SMYD3: variants seen among roughly 807,000 people sequenced by gnomAD.
SMYD3 encodes the protein SET and MYND domain containing 3, also known as histone-lysine N-methyltransferase SMYD3.
Under a neutral mutation model 57.7 loss-of-function variants are expected in SMYD3, and 36 were observed. That is an observed-to-expected ratio of 0.62 (90% CI 0.48 to 0.82). SMYD3 has a LOEUF of 0.82. SMYD3 is among the 40% of genes least tolerant of loss of function. The pLI, the probability that SMYD3 is intolerant of heterozygous loss-of-function variation, is 0.00. For missense variants in SMYD3, 515 were observed against 538.8 expected, an observed-to-expected ratio of 0.96 and a Z score of 0.44; for synonymous variants, 211 against 195.0, an observed-to-expected ratio of 1.08 and a Z score of -0.68.
chr1:246,374,775 C>T (rs1351742526), intron 1 of SMYD3, among the ~76,000 whole-genome samples: 3 of 152,026 alleles, frequency 2.0e-5, no homozygotes, highest in African/African-American at 7.2e-5. Flanking sequence ...GAGTTCAAGA[C>T]CAGCCTGGCC....
intron 10 of SMYD3, among the ~76,000 whole-genome samples, chr1:245,824,535 G>A (rs1207113891): frequency 1.3e-5 from 2 of 152,014 alleles, no homozygotes; most frequent in East Asian, 1.9e-4. Flanking sequence ...TGGCCAACAT[G>A]GTGAAACCCC....
At chr1:245,909,434 A>G (rs907966219) in intron 8 of SMYD3, among the ~76,000 whole-genome samples, 5 of 152,178 alleles carry the variant, frequency 3.3e-5, no homozygotes, top group Non-Finnish European at 5.9e-5. Flanking sequence ...GGAGGAGGAA[A>G]TACTTCCAAA....
intron 8 of SMYD3, among the ~76,000 whole-genome samples, chr1:245,906,603 A>C (rs767345867): frequency 1.2e-4 from 19 of 152,218 alleles, no homozygotes; most frequent in Non-Finnish European, 2.1e-4. Flanking sequence ...AGAAACTAAA[A>C]ATATAACTAC....
intron 5 of SMYD3, among the ~76,000 whole-genome samples, chr1:246,260,729 C>T (rs906173290): frequency 6.6e-6 from 1 of 152,088 alleles, no homozygotes; most frequent in Non-Finnish European, 1.5e-5. Context: ...CTGCGCCCAG[C>T]CCCATTTTCC....
At chr1:245,861,106 T>C (rs2051521399) in intron 9 of SMYD3, among the ~76,000 whole-genome samples, 1 of 152,238 alleles carries the variant, frequency 6.6e-6, no homozygotes, top group African/African-American at 2.4e-5. Context: ...CAACTGTCTC[T>C]TGCCAAACAA....
At chr1:246,480,268 G>A (rs2068084110) in intron 1 of SMYD3, among the ~76,000 whole-genome samples, 1 of 152,072 alleles carries the variant, frequency 6.6e-6, no homozygotes, top group Non-Finnish European at 1.5e-5. Flanking sequence ...CCAAAGCGTT[G>A]GGATTACAGG....
chr1:246,455,279 G>A (rs1220254570), intron 1 of SMYD3, among the ~76,000 whole-genome samples: 3 of 152,090 alleles, frequency 2.0e-5, no homozygotes, highest in African/African-American at 7.2e-5. Flanking sequence ...GGAAGATAGA[G>A]AATTGGAAAA....
At chr1:245,840,854 A>G (rs987018817) in intron 10 of SMYD3, among the ~76,000 whole-genome samples, 2 of 152,178 alleles carry the variant, frequency 1.3e-5, no homozygotes, top group African/African-American at 2.4e-5. Flanking sequence ...AAAATGAGAT[A>G]TAAGGCCAAA....
In SMYD3 at chr1:246,321,224, C is replaced by T. The variant is rs543902803; in HGVS notation, c.531+5977G>A. ...CTAGTTTACAAACAGTGGCAGACTG[C>T]GCTCTTGGCTAGATGACAGCACAGG... is the stretch of plus-strand genomic sequence containing the variant. On this transcript the variant is annotated intron_variant, in intron 5 of 11. Coordinates refer to ENST00000490107, the MANE Select transcript of SMYD3 (RefSeq NM_001167740.2). Among the ~76,000 whole-genome samples, 5 of 152,280 alleles carry T rather than the reference C, an allele frequency of 3.3e-5. No individual in the cohort carries two copies. In the South Asian group the frequency reaches 6.2e-4, roughly 19 times the overall value.
intron 5 of SMYD3, among the ~76,000 whole-genome samples, chr1:246,001,606 C>T (rs764136453): frequency 7.2e-5 from 11 of 152,058 alleles, no homozygotes; most frequent in Admixed American, 2.0e-4. Flanking sequence ...GGTTTGAAGA[C>T]GGAAACAATA....
chr1:245,860,170 A>T (rs894496472), intron 9 of SMYD3, among the ~76,000 whole-genome samples: 4 of 151,144 alleles, frequency 2.6e-5, no homozygotes, highest in Non-Finnish European at 4.4e-5. Context: ...GTGCCCCCAC[A>T]CCCCTCCCAC....
chr1:246,254,451 T>C (rs2063847154), intron 5 of SMYD3, among the ~76,000 whole-genome samples: 1 of 152,194 alleles, frequency 6.6e-6, no homozygotes, highest in South Asian at 2.1e-4. Context: ...GCTGTAGGTG[T>C]ATGGCTTTAT....
intron 5 of SMYD3, among the ~76,000 whole-genome samples, chr1:245,938,335 G>C (rs1465119413): frequency 6.6e-6 from 1 of 152,180 alleles, no homozygotes; most frequent in Admixed American, 6.6e-5. Context: ...GGAGCACCTT[G>C]GGGGGCCACT....
chr1:245,750,735 G>A (rs1192304104), intron 11 of SMYD3, among the ~76,000 whole-genome samples: 13 of 149,948 alleles, frequency 8.7e-5, no homozygotes, highest in Non-Finnish European at 1.8e-4. Context: ...GTGGGGTGGG[G>A]TGGGGTGGAC....
intron 5 of SMYD3, among the ~76,000 whole-genome samples, chr1:246,256,230 T>C (rs1375529140): frequency 6.6e-6 from 1 of 152,094 alleles, no homozygotes; most frequent in Non-Finnish European, 1.5e-5. Context: ...TTTTCATGAT[T>C]TTCTGCCTGT....
At chr1:246,030,380 T>C (rs565255429) in intron 5 of SMYD3, among the ~76,000 whole-genome samples, 1 of 152,318 alleles carries the variant, frequency 6.6e-6, no homozygotes, top group Admixed American at 6.5e-5. Flanking sequence ...TGTTTTGTGC[T>C]CATCAAAGTA....
intron 1 of SMYD3, among the ~76,000 whole-genome samples, chr1:246,416,213 A>G (rs904666601): frequency 4.6e-5 from 7 of 152,210 alleles, no homozygotes; most frequent in Admixed American, 4.6e-4. Flanking sequence ...ACATCATATG[A>G]GACAGCAGTT....
chr1:245,796,542 C>G (rs1437097066), intron 10 of SMYD3, among the ~76,000 whole-genome samples: 2 of 152,160 alleles, frequency 1.3e-5, no homozygotes, highest in Non-Finnish European at 2.9e-5. Context: ...AGCATTTCCC[C>G]TATAATTTCC....
intron 5 of SMYD3, among the ~76,000 whole-genome samples, chr1:246,304,118 A>T (rs1208135466): frequency 1.3e-5 from 2 of 152,218 alleles, no homozygotes; most frequent in Non-Finnish European, 2.9e-5. Context: ...AGAACAAAGC[A>T]TAATAATTTT....
Sources: gnomAD v4.1 joint callset for allele counts (sites outside exome capture counted in the v4.1 genomes callset) on GRCh38, gnomAD v4.1.1 for gene constraint, MANE v1.5 for transcripts, NCBI Gene and HGNC (gene_info 2026-07-23, HGNC 2026-07-21) for gene names.